The following ADAMTS12 variants were observed in gnomAD, a reference collection of about 807,000 sequenced individuals.
The protein encoded by ADAMTS12 is ADAM metallopeptidase with thrombospondin type 1 motif 12.
ADAMTS12 carries 118 observed loss-of-function variants against 167.8 expected under a neutral mutation model. The observed-to-expected ratio is 0.70, with a 90% confidence interval of 0.61 to 0.82. The LOEUF (loss-of-function observed/expected upper bound fraction) is 0.82. ADAMTS12 is among the 40% of genes least tolerant of loss of function. ADAMTS12 has a pLI of 0.00. For synonymous variants in ADAMTS12, 704 were observed against 716.9 expected (o/e 0.98, Z 0.29); for missense variants, 1,916 against 1,998.8 (o/e 0.96, Z 0.79).
At chr5:33,741,617 T>C (rs1011819585) in intron 3 of ADAMTS12, among the ~76,000 whole-genome samples, 1 of 152,058 alleles carries the variant, frequency 6.6e-6, no homozygotes, top group Non-Finnish European at 1.5e-5. Context: ...GGAAAATGGC[T>C]CTCTAAGAAT....
intron 2 of ADAMTS12, among the ~76,000 whole-genome samples, chr5:33,867,258 A>G (rs1450030130): frequency 6.6e-6 from 1 of 152,220 alleles, no homozygotes; most frequent in African/African-American, 2.4e-5. Flanking sequence ...GTATACATAC[A>G]CCATGAAATA....
chr5:33,889,946 A>G (rs12519294), intron 1 of ADAMTS12, among the ~76,000 whole-genome samples: 67,142 of 151,976 alleles, frequency 0.44, 15,412 homozygotes, highest in East Asian at 0.65. Context: ...AGCAAGACTC[A>G]GCCTCGAAAA....
At chr5:33,761,462 C>T (rs766860590) in intron 2 of ADAMTS12, among the ~76,000 whole-genome samples, 34 of 152,150 alleles carry the variant, frequency 2.2e-4, no homozygotes, top group Non-Finnish European at 3.7e-4. Context: ...ATAGGCTAAT[C>T]AGGAGGAATT....
chr5:33,659,458 A>G (rs1741178419), intron 6 of ADAMTS12, among the ~76,000 whole-genome samples: 1 of 152,230 alleles, frequency 6.6e-6, no homozygotes, highest in Non-Finnish European at 1.5e-5. Flanking sequence ...CAAAAAGTCC[A>G]GGTCTGTGTG....
chr5:33,753,253 T>C (rs1294544238), intron 2 of ADAMTS12, among the ~76,000 whole-genome samples: 3 of 152,246 alleles, frequency 2.0e-5, no homozygotes, highest in Non-Finnish European at 4.4e-5. Flanking sequence ...ACATCTGACA[T>C]AATTTGCTTC....
chr5:33,840,716 T>C (rs1440670051), intron 2 of ADAMTS12, among the ~76,000 whole-genome samples: 3 of 152,202 alleles, frequency 2.0e-5, no homozygotes, highest in African/African-American at 7.2e-5. Flanking sequence ...ACTGCAGCCC[T>C]TCTGGCATAT....
intron 22 of ADAMTS12, among the ~76,000 whole-genome samples, chr5:33,542,001 A>G (rs963863832): frequency 1.3e-5 from 2 of 152,222 alleles, no homozygotes; most frequent in Non-Finnish European, 2.9e-5. Context: ...CTAACCTTCA[A>G]TGTAAATGGG....
intron 2 of ADAMTS12, among the ~76,000 whole-genome samples, chr5:33,814,651 G>T (rs1221827027): frequency 6.6e-6 from 1 of 151,654 alleles, no homozygotes; most frequent in Non-Finnish European, 1.5e-5. Context: ...GGGAAGCCCA[G>T]GCACTGAATC....
intron 22 of ADAMTS12, among the ~76,000 whole-genome samples, chr5:33,545,450 T>C (rs1744924619): frequency 1.3e-5 from 2 of 152,190 alleles, no homozygotes; most frequent in African/African-American, 2.4e-5. Context: ...GAGGACAGTG[T>C]GGTGATTCCT....
intron 2 of ADAMTS12, among the ~76,000 whole-genome samples, chr5:33,812,792 G>C (rs1386814955): frequency 2.0e-5 from 3 of 152,142 alleles, no homozygotes; most frequent in African/African-American, 7.2e-5. Flanking sequence ...TATTAGGCTT[G>C]TTTTCAATTT....
intron 2 of ADAMTS12, among the ~76,000 whole-genome samples, chr5:33,797,094 T>C (rs142186721): frequency 1.3e-5 from 2 of 152,310 alleles, no homozygotes; most frequent in East Asian, 3.9e-4. Flanking sequence ...AATCCAGGCA[T>C]GAAAAAATAA....
intron 3 of ADAMTS12, among the ~76,000 whole-genome samples, chr5:33,720,708 T>C (rs4866379): frequency 0.57 from 86,351 of 151,712 alleles, 26,345 homozygotes; most frequent in Non-Finnish European, 0.69. Context: ...GGAGACAAAA[T>C]TGAATGGAGA....
intron 1 of ADAMTS12, among the ~76,000 whole-genome samples, chr5:33,886,104 T>C (rs1750627915): frequency 6.6e-6 from 1 of 152,246 alleles, no homozygotes; most frequent in Non-Finnish European, 1.5e-5. Flanking sequence ...CCTCTGAAGA[T>C]ACATCTCACA....
chr5:33,790,895 T>C (rs1341744796), intron 2 of ADAMTS12, among the ~76,000 whole-genome samples: 1 of 151,984 alleles, frequency 6.6e-6, no homozygotes, highest in Admixed American at 6.6e-5. Context: ...GGTGGTGCTG[T>C]GTTCTTCCTG....
intron 18 of ADAMTS12, among the ~76,000 whole-genome samples, chr5:33,581,577 C>T (rs6450999): frequency 0.041 from 6,258 of 152,220 alleles, 381 homozygotes; most frequent in African/African-American, 0.14. Context: ...ACAGTGAATA[C>T]TTTGGGCATT....
At chr5:33,718,326 G>T (rs1474526109) in intron 3 of ADAMTS12, among the ~76,000 whole-genome samples, 1 of 152,198 alleles carries the variant, frequency 6.6e-6, no homozygotes, top group Admixed American at 6.5e-5. Flanking sequence ...CCATGGACCA[G>T]AATGGTCCAT....
intron 2 of ADAMTS12, among the ~76,000 whole-genome samples, chr5:33,805,025 G>A (rs1405354071): frequency 6.6e-6 from 1 of 152,212 alleles, no homozygotes; most frequent in East Asian, 1.9e-4. Flanking sequence ...ATGTACTCAT[G>A]AGAGTGAGCA....
chr5:33,793,938 G>A (rs1007889273), intron 2 of ADAMTS12, among the ~76,000 whole-genome samples: 1 of 152,188 alleles, frequency 6.6e-6, no homozygotes, highest in Non-Finnish European at 1.5e-5. Context: ...TTCTGGTCAG[G>A]AGGCTTCTCG....
chr5:33,772,555 A>G (rs1324674630), intron 2 of ADAMTS12, among the ~76,000 whole-genome samples: 1 of 152,226 alleles, frequency 6.6e-6, no homozygotes, highest in African/African-American at 2.4e-5. Flanking sequence ...AAGAAAAGAG[A>G]AGACAGTTTC....
Sources: allele counts gnomAD v4.1 joint callset (sites outside exome capture counted in the v4.1 genomes callset), GRCh38; gene constraint gnomAD v4.1.1; transcripts MANE v1.5; gene names NCBI Gene and HGNC (gene_info 2026-07-23, HGNC 2026-07-21).